Variants in CCSER1 observed in about 807,000 individuals in gnomAD.
CCSER1 encodes coiled-coil serine rich protein 1.
A neutral mutation model predicts 82.0 loss-of-function variants in CCSER1; 41 were observed. That is an observed-to-expected ratio of 0.50 (90% CI 0.39 to 0.65). The LOEUF (loss-of-function observed/expected upper bound fraction) is 0.65, where lower values mean the gene tolerates loss of function less well. Ranked by LOEUF, CCSER1 falls within the 30% of genes least tolerant of loss-of-function variation. The pLI is 0.00. For missense variants in CCSER1, 1,119 were observed against 1,064.2 expected (o/e 1.05, Z -0.72); for synonymous variants, 414 against 383.9 (o/e 1.08, Z -0.92).
intron 10 of CCSER1, among the ~76,000 whole-genome samples, chr4:91,431,133 G>C (rs548474804): frequency 1.3e-5 from 2 of 152,244 alleles, no homozygotes; most frequent in South Asian, 2.1e-4. Flanking sequence ...CTACTCGGCA[G>C]GCTGAGGCAG....
intron 1 of CCSER1, among the ~76,000 whole-genome samples, chr4:90,213,307 G>T (rs1031228473): frequency 6.6e-6 from 1 of 152,118 alleles, no homozygotes; most frequent in African/African-American, 2.4e-5. Flanking sequence ...TTCTGAGATG[G>T]GGAAGGAGAT....
At chr4:90,863,346 C>G (rs1765327519) in intron 8 of CCSER1, among the ~76,000 whole-genome samples, 2 of 151,774 alleles carry the variant, frequency 1.3e-5, no homozygotes, top group Admixed American at 6.6e-5. Flanking sequence ...GTAGTGAGTT[C>G]CTGTAATATT....
chr4:90,882,292 C>T (rs1580912568), intron 8 of CCSER1, among the ~76,000 whole-genome samples: 1 of 151,932 alleles, frequency 6.6e-6, no homozygotes, highest in East Asian at 1.9e-4. Flanking sequence ...ATACATCTGC[C>T]TGTGTAAACT....
intron 5 of CCSER1, among the ~76,000 whole-genome samples, chr4:90,574,763 T>A (rs1780548615): frequency 6.6e-6 from 1 of 151,896 alleles, no homozygotes; most frequent in South Asian, 2.1e-4. Context: ...AATGACATTT[T>A]GGTGTTTTTT....
intron 9 of CCSER1, among the ~76,000 whole-genome samples, chr4:91,058,010 A>G (rs1379325906): frequency 6.6e-6 from 1 of 152,048 alleles, no homozygotes; most frequent in African/African-American, 2.4e-5. Flanking sequence ...CAAAACCCAG[A>G]TTCCTTTTAT....
chr4:90,334,833 T>C (rs1740077359), intron 3 of CCSER1, among the ~76,000 whole-genome samples: 1 of 152,160 alleles, frequency 6.6e-6, no homozygotes, highest in Admixed American at 6.5e-5. Flanking sequence ...TTGACTTCAA[T>C]TATAAAATAC....
At chr4:90,855,747 T>A (rs578095857) in intron 8 of CCSER1, among the ~76,000 whole-genome samples, 18 of 152,286 alleles carry the variant, frequency 1.2e-4, no homozygotes, top group Non-Finnish European at 1.0e-4. Context: ...TAACTCTGTA[T>A]CTTAACATGA....
At position 91,602,558 on chromosome 4, in the gene CCSER1, A is replaced by AAT. The variant is rs1160422940; in HGVS notation, c.*3503_*3504dup. On this transcript the variant is annotated 3_prime_UTR_variant, in exon 11 of 11. Transcript: ENST00000509176. ...CATCATCAGCTTCTCATTATAAAGA[A>AAT]ATAGTAACCCATAGCAGTGGATAAT... is the stretch of plus-strand genomic sequence containing the variant. Among the ~76,000 whole-genome samples, 1 of 152,078 alleles carries AAT rather than the reference A, an allele frequency of 6.6e-6. No individual in the cohort carries two copies. The highest frequency in any genetic ancestry group is 1.5e-5 in the Non-Finnish European group (1 of 67,946).
At chr4:91,527,490 C>T (rs1390101026) in intron 10 of CCSER1, among the ~76,000 whole-genome samples, 1 of 151,738 alleles carries the variant, frequency 6.6e-6, no homozygotes, top group Admixed American at 6.6e-5. Flanking sequence ...ATTGTGATAG[C>T]CAAATAAGAA....
rs1560994413 is a variant in CCSER1 at position 90,308,400 on chromosome 4, T to C, written c.116T>C (p.Val39Ala). The C allele has an allele frequency of 4.3e-6, 7 of 1,613,808 alleles. No homozygotes were observed. Among genetic ancestry groups the C allele is most frequent in the Non-Finnish European group, 5.9e-6 (7 of 1,179,834 alleles). Residue 39 changes from valine (V) to alanine (A), a missense_variant, in exon 2 of 11, where the codon GTT becomes GCT. By Grantham distance (64) the Val-to-Ala change is moderately conservative. Transcript: ENST00000509176. ...TCTTCACCTTCTTCCAGTAATACAG[T>C]TGGTGTCCACAGTTCCTCTCCTTCC... ...LPSSPSSSNTVGVHSSSPSST... is the reference protein window; with the variant it reads ...LPSSPSSSNTAGVHSSSPSST...
chr4:90,141,566 G>C (rs1352285576), intron 1 of CCSER1, among the ~76,000 whole-genome samples: 6 of 152,204 alleles, frequency 3.9e-5, no homozygotes, highest in Non-Finnish European at 8.8e-5. Context: ...ATATGTGCAA[G>C]AGACAATGCT....
chr4:91,515,108 GTAT>G (rs1412726579), intron 10 of CCSER1, among the ~76,000 whole-genome samples: 7 of 152,018 alleles, frequency 4.6e-5, no homozygotes, highest in Non-Finnish European at 1.0e-4. Context: ...TGGTATTATG[GTAT>G]TATTTTTCAC....
rs1214114205 is a variant in CCSER1, at chr4:90,835,347, G to GAAATA, written c.2094+19519_2094+19523dup. Among the ~76,000 whole-genome samples the GAAATA allele has an allele frequency of 5.3e-5, 8 of 152,006 alleles. 1 individual carries two copies. The highest frequency in any genetic ancestry group is 7.2e-5 in the African/African-American group (3 of 41,402). On this transcript the variant is annotated intron_variant, in intron 8 of 10. Coordinates refer to ENST00000509176, the MANE Select transcript of CCSER1 (RefSeq NM_001145065.2). ...CTCCGTCTCAAAATTAAAATAAAAT[G>GAAATA]AAATAAAATAAAATAAAATAATTTT...
At chr4:90,348,382 A>G (rs1742800234) in intron 3 of CCSER1, among the ~76,000 whole-genome samples, 1 of 152,196 alleles carries the variant, frequency 6.6e-6, no homozygotes, top group Admixed American at 6.5e-5. Flanking sequence ...ATTATATAAT[A>G]TTATTTTACT....
At chr4:91,416,520 A>G (rs375674281) in intron 10 of CCSER1, among the ~76,000 whole-genome samples, 1 of 152,156 alleles carries the variant, frequency 6.6e-6, no homozygotes, top group Non-Finnish European at 1.5e-5. Context: ...AGGCCAATGT[A>G]ACAGAATAGA....
chr4:90,151,768 TAAAC>T (rs1726907826), intron 1 of CCSER1, among the ~76,000 whole-genome samples: 2 of 152,248 alleles, frequency 1.3e-5, no homozygotes, highest in Admixed American at 6.5e-5. Context: ...TATTTAGTAT[TAAAC>T]AATTATTTTT....
chr4:90,449,994 GC>G (rs1311479048), intron 4 of CCSER1, among the ~76,000 whole-genome samples: 1 of 152,222 alleles, frequency 6.6e-6, no homozygotes, highest in Non-Finnish European at 1.5e-5. Context: ...CTCAGTGGCT[GC>G]CCCACACAGG....
At chr4:90,931,602 G>A (rs1407956059) in intron 9 of CCSER1, among the ~76,000 whole-genome samples, 5 of 152,038 alleles carry the variant, frequency 3.3e-5, no homozygotes, top group Non-Finnish European at 5.9e-5. Flanking sequence ...CTAGCTCATG[G>A]CTTTTCTGTT....
chr4:90,256,775 T>C lies in CCSER1; in HGVS notation c.-41-51469T>C, dbSNP rs996599476. On this transcript the variant is annotated intron_variant, in intron 1 of 10. Coordinates refer to ENST00000509176, the MANE Select transcript of CCSER1 (RefSeq NM_001145065.2). Reference sequence around the variant, plus strand: ...AGTTCCCCATTATCTGTGGTTTTGCTTTCCACGACTTAAGTTATCTGCAGT... The same window carrying C: ...AGTTCCCCATTATCTGTGGTTTTGCCTTCCACGACTTAAGTTATCTGCAGT... Among the ~76,000 whole-genome samples, 4 of 152,146 alleles carry C rather than the reference T, an allele frequency of 2.6e-5. No individual in the cohort carries two copies. In the East Asian group the frequency reaches 7.7e-4, roughly 29 times the overall value.
Sources: allele counts gnomAD v4.1 joint callset (sites outside exome capture counted in the v4.1 genomes callset), GRCh38; gene constraint gnomAD v4.1.1; transcripts MANE v1.5; gene names NCBI Gene and HGNC (gene_info 2026-07-23, HGNC 2026-07-21).